CNTNAP3B: variants seen among roughly 807,000 people sequenced by gnomAD.
The protein encoded by CNTNAP3B is contactin associated protein family member 3B.
A neutral mutation model predicts 108.9 loss-of-function variants in CNTNAP3B; 25 were observed. That is an observed-to-expected ratio of 0.23 (90% CI 0.17 to 0.32). The LOEUF (loss-of-function observed/expected upper bound fraction) is 0.32. Ranked by LOEUF, CNTNAP3B falls within the 10% of genes least tolerant of loss-of-function variation. CNTNAP3B has a pLI of 1.00. For synonymous variants in CNTNAP3B, 103 were observed against 473.4 expected (o/e 0.22, Z 10.16); for missense variants, 252 against 1,210.4 (o/e 0.21, Z 11.75).
chr9:42,056,818 T>G (rs867312006), intron 3 of CNTNAP3B, among the ~76,000 whole-genome samples: 1 of 91,512 alleles, frequency 1.1e-5, no homozygotes, highest in Non-Finnish European at 2.1e-5. Flanking sequence ...AATTGATATC[T>G]TCTGGTAAGT....
At chr9:42,122,058 G>C (rs2118747510) in intron 1 of CNTNAP3B, among the ~76,000 whole-genome samples, 1 of 140,130 alleles carries the variant, frequency 7.1e-6, no homozygotes, top group South Asian at 2.3e-4. Flanking sequence ...TGACAAGTGA[G>C]GAGCCCTGAG....
rs1349628518 is a variant in CNTNAP3B, at chr9:42,129,119, G to C, written c.-25C>G. 3 of 1,546,250 alleles carry C rather than the reference G, an allele frequency of 1.9e-6. No individual in the cohort carries two copies. Among genetic ancestry groups the C allele is most frequent in the Non-Finnish European group, 2.6e-6 (3 of 1,142,408 alleles). On this transcript the variant is annotated 5_prime_UTR_variant, in exon 1 of 24. Coordinates refer to ENST00000377561, the MANE Select transcript of CNTNAP3B (RefSeq NM_001201380.3). ...TGCTCACTTCAGCCAGGCGCCCTGAGACCCGGGCACGGCGACGGCCGCTCT... is the reference window on the plus strand; with the variant it reads ...TGCTCACTTCAGCCAGGCGCCCTGACACCCGGGCACGGCGACGGCCGCTCT...
intron 10 of CNTNAP3B, among the ~76,000 whole-genome samples, chr9:41,967,342 G>T (rs1264276658): frequency 6.6e-6 from 1 of 152,190 alleles, no homozygotes; most frequent in African/African-American, 2.4e-5. Flanking sequence ...TTATAAAGGG[G>T]AGTTTCCCTG....
intron 17 of CNTNAP3B, among the ~76,000 whole-genome samples, chr9:41,920,627 C>A (rs1823641844): frequency 1.3e-5 from 2 of 152,406 alleles, no homozygotes; most frequent in Admixed American, 6.5e-5. Flanking sequence ...TAATATAAAC[C>A]ACATCAAACA....
At chr9:42,124,016 A>T (rs1266560902) in intron 1 of CNTNAP3B, among the ~76,000 whole-genome samples, 1 of 132,946 alleles carries the variant, frequency 7.5e-6, no homozygotes, top group Admixed American at 7.6e-5. Flanking sequence ...ATCAAAAGTA[A>T]TTCAAACCAC....
Position 42,033,109 on chromosome 9 carries a change from A to G in CNTNAP3B, c.391-19584T>C, listed in dbSNP as rs565606395. On this transcript the variant is annotated intron_variant, in intron 3 of 23. Coordinates refer to ENST00000377561, the MANE Select transcript of CNTNAP3B (RefSeq NM_001201380.3). The stretch of plus-strand genomic sequence containing the variant: ...ATATCAAAAAAGACAAAAACTAAGT[A>G]CTGTGTCTATAAAAACAAATATCAA... Among the ~76,000 whole-genome samples the G allele has an allele frequency of 5.0e-3, 688 of 138,144 alleles. 23 individuals carry two copies. The highest frequency in any genetic ancestry group is 8.1e-3 in the Non-Finnish European group (519 of 64,264). 90.6% of individuals were successfully genotyped at this position (138,144 alleles called of 152,430 possible).
chr9:41,950,335 A>G (rs1353138233), intron 13 of CNTNAP3B, among the ~76,000 whole-genome samples: 2 of 129,210 alleles, frequency 1.5e-5, no homozygotes, highest in Admixed American at 1.7e-4. Context: ...AGCTTTTTAT[A>G]AAACTAAGTA....
rs965615655 is a variant in CNTNAP3B at position 41,958,890 on chromosome 9, G to A, written c.1876+1883C>T. ...CTCCAACATTCACTGTGAGAACCCAGTCAAGCTAGGTGTCAAACTCACAGA... is the reference window on the plus strand; with the variant it reads ...CTCCAACATTCACTGTGAGAACCCAATCAAGCTAGGTGTCAAACTCACAGA... On this transcript the variant is annotated intron_variant, in intron 12 of 23. Coordinates refer to ENST00000377561, the MANE Select transcript of CNTNAP3B (RefSeq NM_001201380.3). 2.1e-5 allele frequency among the ~76,000 whole-genome samples: 3 copies of A among 139,748 alleles called. 1 individual carries two copies. The highest frequency in any genetic ancestry group is 8.6e-5 in the African/African-American group (3 of 35,026). 91.7% of individuals were successfully genotyped at this position (139,748 alleles called of 152,430 possible).
At chr9:41,938,850 G>T (rs1824239718) in intron 13 of CNTNAP3B, among the ~76,000 whole-genome samples, 2 of 152,292 alleles carry the variant, frequency 1.3e-5, no homozygotes, top group African/African-American at 2.4e-5. Context: ...TACACATTTG[G>T]AAAGATATGG....
chr9:41,940,191 A>C (rs1202963792), intron 13 of CNTNAP3B, among the ~76,000 whole-genome samples: 1 of 152,304 alleles, frequency 6.6e-6, no homozygotes, highest in African/African-American at 2.4e-5. Context: ...TACTGAAAAA[A>C]TACTGGCTGT....
At chr9:42,112,874 T>G (rs1306718424) in intron 1 of CNTNAP3B, among the ~76,000 whole-genome samples, 1 of 127,082 alleles carries the variant, frequency 7.9e-6, no homozygotes, top group Non-Finnish European at 1.6e-5. Context: ...CAGAGTTTTT[T>G]TTTTTTTTTT....
At chr9:42,121,549 G>A (rs1302836985) in intron 1 of CNTNAP3B, among the ~76,000 whole-genome samples, 4 of 138,892 alleles carry the variant, frequency 2.9e-5, no homozygotes, top group Non-Finnish European at 6.2e-5. Flanking sequence ...ATCAACCCCG[G>A]CCACCCAGGA....
At chr9:41,925,869 G>A (rs1823804251) in intron 15 of CNTNAP3B, among the ~76,000 whole-genome samples, 1 of 152,270 alleles carries the variant, frequency 6.6e-6, no homozygotes, top group South Asian at 2.1e-4. Context: ...TCTGGAATCA[G>A]CCATTTCTTC....
In CNTNAP3B at chr9:42,129,199, C is replaced by T. The variant is rs1240291317; in HGVS notation, c.-105G>A. ...ACTCCCGTCCCCTGCGCGGCTCCGACGCTGCTCTGTCTCCCCTGTCCAGTC... is the reference window on the plus strand; with the variant it reads ...ACTCCCGTCCCCTGCGCGGCTCCGATGCTGCTCTGTCTCCCCTGTCCAGTC... On this transcript the variant is annotated 5_prime_UTR_variant, in exon 1 of 24. Coordinates refer to ENST00000377561, the MANE Select transcript of CNTNAP3B (RefSeq NM_001201380.3). 6.3e-6 allele frequency: 9 copies of T among 1,438,408 alleles called. No individual in the cohort carries two copies. In the South Asian group the frequency reaches 9.2e-5, roughly 15 times the overall value. The allele number at this position is 1,438,408 out of a possible 1,614,324, so 89.1% of individuals were successfully genotyped here.
intron 11 of CNTNAP3B, among the ~76,000 whole-genome samples, chr9:41,961,239 G>A (rs1370711158): frequency 4.4e-4 from 67 of 152,388 alleles, no homozygotes; most frequent in Admixed American, 3.3e-3. Flanking sequence ...GTGGGAATGC[G>A]ATACTATCTT....
Position 42,088,568 on chromosome 9 carries a change from G to A in CNTNAP3B, c.197-11506C>T, listed in dbSNP as rs552573151. Among the ~76,000 whole-genome samples, 9 of 138,948 alleles carry A rather than the reference G, an allele frequency of 6.5e-5. 1 individual carries two copies. The East Asian group carries it at 8.8e-4, about 14-fold the overall frequency. The allele number at this position is 138,948 out of a possible 152,430, so 91.2% of individuals were successfully genotyped here. A position where few individuals can be genotyped will look rare whatever the true frequency, so the allele number is the denominator to read the frequency against. Reference sequence around the variant, plus strand: ...TTAAAATCTACATATTTCTTCAATCGAAACACATTTTGCTATAGATAACTT... The same window carrying A: ...TTAAAATCTACATATTTCTTCAATCAAAACACATTTTGCTATAGATAACTT... On this transcript the variant is annotated intron_variant, in intron 2 of 23. Transcript: ENST00000377561.
chr9:41,920,959 C>A (rs1288809579), intron 17 of CNTNAP3B, among the ~76,000 whole-genome samples: 1 of 152,298 alleles, frequency 6.6e-6, no homozygotes, highest in African/African-American at 2.4e-5. Context: ...GCTGAAGAAA[C>A]CATTTAGAGA....
rs965112458 is a variant in CNTNAP3B, at chr9:42,107,697, C to T, written c.86-2958G>A. 1.2e-4 allele frequency among the ~76,000 whole-genome samples: 16 copies of T among 137,592 alleles called. 4 individuals carry two copies. Among genetic ancestry groups the T allele is most frequent in the African/African-American group, 1.7e-4 (6 of 34,424 alleles). The allele number at this position is 137,592 out of a possible 152,430, so 90.3% of individuals were successfully genotyped here. A position where few individuals can be genotyped will look rare whatever the true frequency, so the allele number is the denominator to read the frequency against. ...TTGCCCTTCAGAAAGGCAATAAATT[C>T]GGGCGCGGTGGCTCACACCTGTAAT... On this transcript the variant is annotated intron_variant, in intron 1 of 23. Coordinates refer to ENST00000377561, the MANE Select transcript of CNTNAP3B (RefSeq NM_001201380.3).
intron 14 of CNTNAP3B, among the ~76,000 whole-genome samples, chr9:41,935,635 T>C (rs894018653): frequency 2.0e-5 from 3 of 152,264 alleles, no homozygotes; most frequent in Non-Finnish European, 4.4e-5. Flanking sequence ...ACCCCCACAT[T>C]TACAAAACAA....
Sources: gnomAD v4.1 joint callset for allele counts (sites outside exome capture counted in the v4.1 genomes callset) on GRCh38, gnomAD v4.1.1 for gene constraint, MANE v1.5 for transcripts, NCBI Gene and HGNC (gene_info 2026-07-23, HGNC 2026-07-21) for gene names.